Variants in ZFP82 observed in about 807,000 individuals in gnomAD.
The protein encoded by ZFP82 is zinc finger protein 82 homolog.
A neutral mutation model predicts 54.0 loss-of-function variants in ZFP82; 30 were observed. The observed-to-expected ratio is 0.56, with a 90% CI of 0.42 to 0.75. The LOEUF (loss-of-function observed/expected upper bound fraction) is 0.75, where lower values mean the gene tolerates loss of function less well. ZFP82 is among the 30% of genes least tolerant of loss of function. The pLI, the probability that ZFP82 is intolerant of heterozygous loss-of-function variation, is 0.00. For missense variants in ZFP82, 500 were observed against 636.8 expected, an observed-to-expected ratio of 0.79 and a Z score of 2.31; for synonymous variants, 194 against 209.5, an observed-to-expected ratio of 0.93 and a Z score of 0.64.
Position 36,415,958 on chromosome 19 carries a change from AAC to A in ZFP82, c.-79+2532_-79+2533del, listed in dbSNP as rs1411654383. ...AGTAAAAGTATACCAAAGCAGACAG[AAC>A]AGTGTGGTAAACAACAGTTTATCTT... is the stretch of plus-strand genomic sequence containing the variant. On this transcript the variant is annotated intron_variant, in intron 1 of 4. Transcript: ENST00000392161. Among the ~76,000 whole-genome samples, 3 of 152,228 alleles carry A rather than the reference AAC, an allele frequency of 2.0e-5. No homozygotes were observed. The East Asian group carries it at 5.8e-4, about 29-fold the overall frequency.
At chr19:36,388,418 A>T (rs1308170399), downstream of ZFP82, among the ~76,000 whole-genome samples, 3 of 152,048 alleles carry the variant, frequency 2.0e-5, no homozygotes, top group African/African-American at 4.8e-5. Flanking sequence ...TCTAGTTTTT[A>T]AAAAACAAGA....
intron 4 of ZFP82, 152 bp downstream of exon 4, chr19:36,405,428 C>T (rs770356958): frequency 2.2e-5 from 11 of 492,990 alleles, no homozygotes; most frequent in Non-Finnish European, 3.2e-5. Context: ...CCTCCTTGGG[C>T]CACAGACCTT....
In ZFP82 at chr19:36,388,799, T is replaced by A. The variant is rs57098713; in HGVS notation, c.*3942A>T. On this transcript the variant is annotated 3_prime_UTR_variant, in exon 5 of 5. Coordinates refer to ENST00000392161, the MANE Select transcript of ZFP82 (RefSeq NM_133466.4). Reference sequence around the variant, plus strand: ...TGTTATTCACCTTAGTTTTTAAAAATTTCTAGCTTAAGTTAATCCTTATTT... The same window carrying A: ...TGTTATTCACCTTAGTTTTTAAAAAATTCTAGCTTAAGTTAATCCTTATTT... Among the ~76,000 whole-genome samples the A allele has an allele frequency of 6.6e-6, 1 of 152,200 alleles. No homozygotes were observed. Among genetic ancestry groups the A allele is most frequent in the Admixed American group, 6.5e-5 (1 of 15,274 alleles).
downstream of ZFP82, among the ~76,000 whole-genome samples, chr19:36,385,942 A>T (rs1044620064): frequency 6.6e-6 from 1 of 152,256 alleles, no homozygotes; most frequent in African/African-American, 2.4e-5. Flanking sequence ...ATTAAAAGGA[A>T]GGCAGAACAA....
At chr19:36,417,776 G>T (rs2032697954) in intron 1 of ZFP82, among the ~76,000 whole-genome samples, 1 of 152,216 alleles carries the variant, frequency 6.6e-6, no homozygotes, top group Non-Finnish European at 1.5e-5. Flanking sequence ...AAGCAATGCT[G>T]TGGTTCTGAA....
chr19:36,397,933 T>C (rs977238304), intron 4 of ZFP82, among the ~76,000 whole-genome samples: 4 of 152,168 alleles, frequency 2.6e-5, no homozygotes, highest in African/African-American at 9.7e-5. Flanking sequence ...AAACTGATCA[T>C]GGAAGAGATA....
chr19:36,408,906 T>C (rs1819071259), intron 2 of ZFP82, among the ~76,000 whole-genome samples: 1 of 152,228 alleles, frequency 6.6e-6, no homozygotes, highest in South Asian at 2.1e-4. Context: ...GATATTTTGG[T>C]TGGACAAAAC....
intron 1 of ZFP82, among the ~76,000 whole-genome samples, chr19:36,417,506 T>C (rs898400496): frequency 8.5e-4 from 130 of 152,278 alleles, no homozygotes; most frequent in African/African-American, 2.9e-3. Flanking sequence ...CGCCTCGACC[T>C]TGACTTAAAC....
rs2032230442 is a variant in ZFP82, at chr19:36,393,086, A to T, written c.1254T>A (p.Gly418=). 1 of 1,614,082 alleles carries T rather than the reference A, an allele frequency of 6.2e-7. No individual in the cohort carries two copies. Among genetic ancestry groups the T allele is most frequent in the Non-Finnish European group, 8.5e-7 (1 of 1,180,010 alleles). Residue 418 remains glycine, a synonymous_variant, in exon 5 of 5, where the codon GGT becomes GGA. Transcript: ENST00000392161. Reference sequence around the variant, plus strand: ...ATTCCTTACAGTCATAGGGCTTAACACCAATATGAATACTCTGATGTGAAA... The same window carrying T: ...ATTCCTTACAGTCATAGGGCTTAACTCCAATATGAATACTCTGATGTGAAA... ...QLISHQSIHI[G]VKPYDCKECG...
chr19:36,389,878 CTA>C lies in ZFP82; in HGVS notation c.*2861_*2862del, dbSNP rs1052970284. On this transcript the variant is annotated 3_prime_UTR_variant, in exon 5 of 5. Transcript: ENST00000392161. ...ACCAATCCAGAGCCCATACTCCCAACTATCTCCTTTACCAAACTCTCATACAC... is the reference window on the plus strand; with the variant it reads ...ACCAATCCAGAGCCCATACTCCCAACTCTCCTTTACCAAACTCTCATACAC... 1.8e-4 allele frequency among the ~76,000 whole-genome samples: 28 copies of C among 152,196 alleles called. No individual in the cohort carries two copies. Among genetic ancestry groups the C allele is most frequent in the African/African-American group, 6.8e-4 (28 of 41,446 alleles).
rs1247260390 is a variant in ZFP82, at chr19:36,416,669, T to G, written c.-79+1823A>C. 2.2e-3 allele frequency among the ~76,000 whole-genome samples: 327 copies of G among 148,626 alleles called. 5 individuals carry two copies. Among genetic ancestry groups the G allele is most frequent in the Non-Finnish European group, 3.8e-4 (26 of 67,686 alleles). On this transcript the variant is annotated intron_variant, in intron 1 of 4. Coordinates refer to ENST00000392161, the MANE Select transcript of ZFP82 (RefSeq NM_133466.4). ...TACTAGGGTGGCTGAGGCAGGAGAA[T>G]CGCTTGAACCTGGGAGGCGGAGGTT...
intron 4 of ZFP82, among the ~76,000 whole-genome samples, chr19:36,399,430 C>G (rs557980834): frequency 3.9e-5 from 6 of 152,230 alleles, no homozygotes; most frequent in African/African-American, 1.4e-4. Flanking sequence ...CTCAGGTTAC[C>G]TCTCCAAGGC....
intron 1 of ZFP82, among the ~76,000 whole-genome samples, chr19:36,414,960 T>C (rs551742314): frequency 1.3e-5 from 2 of 152,042 alleles, no homozygotes; most frequent in South Asian, 4.2e-4. Flanking sequence ...CAGCTGGGAT[T>C]ACAGGCATGC....
At chr19:36,399,642 C>G (rs1192136147) in intron 4 of ZFP82, among the ~76,000 whole-genome samples, 1 of 152,090 alleles carries the variant, frequency 6.6e-6, no homozygotes, top group Non-Finnish European at 1.5e-5. Context: ...CTGAAAGTAT[C>G]TAATTTAATT....
intron 4 of ZFP82, 40 bp downstream of exon 4, chr19:36,405,540 C>G: frequency 6.8e-7 from 1 of 1,470,514 alleles, no homozygotes; most frequent in Non-Finnish European, 9.5e-7. Flanking sequence ...ATCTGGGGTT[C>G]CCTGTGTTGA....
At chr19:36,409,653 G>A (rs566505576) in intron 2 of ZFP82, 128 bp downstream of exon 2, 12 of 927,530 alleles carry the variant, frequency 1.3e-5, no homozygotes, top group Admixed American at 1.9e-5. Flanking sequence ...TGGTTCACCC[G>A]CCACTGGATT....
intron 4 of ZFP82, chr19:36,394,831 A>G (rs1203842051): frequency 6.6e-6 from 1 of 152,150 alleles, no homozygotes; most frequent in African/African-American, 2.4e-5. Flanking sequence ...TGCCTTTATA[A>G]TAGCTCTCAA....
intron 1 of ZFP82, among the ~76,000 whole-genome samples, chr19:36,413,191 A>G (rs2032608975): frequency 6.6e-6 from 1 of 152,188 alleles, no homozygotes; most frequent in East Asian, 1.9e-4. Flanking sequence ...TGGGCAGATC[A>G]CTTGAGGTCA....
At position 36,390,329 on chromosome 19, in the gene ZFP82, G is replaced by GCTT. The variant is rs373296227; in HGVS notation, c.*2411_*2412insAAG. 2 of 120,374 alleles carry GCTT rather than the reference G, an allele frequency of 1.7e-5. No individual in the cohort carries two copies. The highest frequency in any genetic ancestry group is 3.3e-5 in the Non-Finnish European group (2 of 60,624). The allele number at this position is 120,374 out of a possible 1,614,324, so 7.5% of individuals were successfully genotyped here. A position where few individuals can be genotyped will look rare whatever the true frequency, so the allele number is the denominator to read the frequency against. On this transcript the variant is annotated 3_prime_UTR_variant, in exon 5 of 5. Transcript: ENST00000392161. ...CTTTAAAGTGTAGGATTCCATTTTT[G>GCTT]TCTTTTTTTTTTTTTTTTTTGACAT...
Sources: gnomAD v4.1 joint callset for allele counts (sites outside exome capture counted in the v4.1 genomes callset) on GRCh38, gnomAD v4.1.1 for gene constraint, MANE v1.5 for transcripts, NCBI Gene and HGNC (gene_info 2026-07-23, HGNC 2026-07-21) for gene names.